ANKFN1: variants seen among roughly 807,000 people sequenced by gnomAD.
The protein encoded by ANKFN1 is ankyrin repeat and fibronectin type III domain containing 1.
A neutral mutation model predicts 108.7 loss-of-function variants in ANKFN1; 74 were observed. The observed-to-expected ratio is 0.68, with a 90% confidence interval of 0.56 to 0.83. The LOEUF (loss-of-function observed/expected upper bound fraction) is 0.83. ANKFN1 is among the 40% of genes least tolerant of loss of function. ANKFN1 has a pLI of 0.00. For synonymous variants in ANKFN1, 547 were observed against 516.2 expected (o/e 1.06, Z -0.81); for missense variants, 1,505 against 1,382.3 (o/e 1.09, Z -1.41).
intron 1 of ANKFN1, among the ~76,000 whole-genome samples, chr17:56,200,952 TG>T (rs1221870652): frequency 6.6e-6 from 1 of 152,176 alleles, no homozygotes; most frequent in East Asian, 1.9e-4. Context: ...TTAATTTCTG[TG>T]GTATGCTAGA....
At chr17:56,497,565 C>CA (rs1022392816) in intron 19 of ANKFN1, among the ~76,000 whole-genome samples, 3 of 152,058 alleles carry the variant, frequency 2.0e-5, no homozygotes, top group Non-Finnish European at 2.9e-5. Flanking sequence ...GTTTTAAGTA[C>CA]AGATTAAAGG....
chr17:56,358,181 CCT>C (rs1308238424), intron 6 of ANKFN1, among the ~76,000 whole-genome samples: 1 of 152,138 alleles, frequency 6.6e-6, no homozygotes, highest in African/African-American at 2.4e-5. Flanking sequence ...AATTTTCTTT[CCT>C]CTCTTTCTCT....
At chr17:56,117,398 C>T (rs556700982) in intron 4 of ANKFN1, among the ~76,000 whole-genome samples, 94 of 152,238 alleles carry the variant, frequency 6.2e-4, no homozygotes, top group African/African-American at 1.3e-3. Flanking sequence ...TGTGAGCTCA[C>T]GGTAGTCATC....
upstream of ANKFN1, among the ~76,000 whole-genome samples, chr17:56,150,701 C>A (rs539475254): frequency 6.6e-6 from 1 of 152,070 alleles, no homozygotes; most frequent in African/African-American, 2.4e-5. Flanking sequence ...ACCAAAATAT[C>A]GTCCCTTCCT....
At chr17:56,387,847 A>C (rs145788180) in intron 8 of ANKFN1, among the ~76,000 whole-genome samples, 19 of 152,194 alleles carry the variant, frequency 1.2e-4, no homozygotes, top group South Asian at 1.2e-3. Context: ...TCTCCTTTCT[A>C]GGACATTTGC....
At chr17:56,249,055 G>T (rs2043178579) in intron 3 of ANKFN1, among the ~76,000 whole-genome samples, 3 of 152,172 alleles carry the variant, frequency 2.0e-5, no homozygotes, top group Non-Finnish European at 2.9e-5. Flanking sequence ...CTACAGTTTG[G>T]TTAGAACAGC....
intron 1 of ANKFN1, among the ~76,000 whole-genome samples, chr17:56,162,166 A>G (rs1331487171): frequency 1.3e-5 from 2 of 152,218 alleles, no homozygotes; most frequent in Non-Finnish European, 2.9e-5. Flanking sequence ...GTTCTCCCCT[A>G]CCTAAAAGAA....
chr17:56,094,396 A>G (rs1207792791), intron 4 of ANKFN1, among the ~76,000 whole-genome samples: 1 of 151,010 alleles, frequency 6.6e-6, no homozygotes, highest in Non-Finnish European at 1.5e-5. Context: ...GAAAGATAAT[A>G]ACACTTAGGA....
chr17:56,243,268 T>A (rs939203398), intron 3 of ANKFN1, among the ~76,000 whole-genome samples: 6 of 152,126 alleles, frequency 3.9e-5, no homozygotes, highest in African/African-American at 1.2e-4. Context: ...TAGCCCTCCT[T>A]ATCTAAAGAT....
intron 4 of ANKFN1, among the ~76,000 whole-genome samples, chr17:56,137,556 G>A (rs16956733): frequency 6.6e-6 from 1 of 152,036 alleles, no homozygotes; most frequent in African/African-American, 2.4e-5. Context: ...AAACCAGGTG[G>A]GATATTGCCT....
chr17:56,296,930 A>G (rs189910306), intron 3 of ANKFN1, among the ~76,000 whole-genome samples: 11 of 152,328 alleles, frequency 7.2e-5, no homozygotes, highest in African/African-American at 2.6e-4. Context: ...TGTTCAAGCA[A>G]CACTTGGTCT....
At chr17:56,340,164 T>C (rs1387354428) in intron 4 of ANKFN1, among the ~76,000 whole-genome samples, 1 of 152,192 alleles carries the variant, frequency 6.6e-6, no homozygotes, top group East Asian at 1.9e-4. Flanking sequence ...TGTTTGTTTC[T>C]TGTAAATTTG....
intron 20 of ANKFN1, among the ~76,000 whole-genome samples, chr17:56,501,320 G>C (rs2051361731): frequency 6.6e-6 from 1 of 152,182 alleles, no homozygotes; most frequent in African/African-American, 2.4e-5. Context: ...TTTTAAGCAA[G>C]GATTGATATA....
rs1598409448 is a variant in ANKFN1, at chr17:56,326,282, T to C, written c.115T>C (p.Cys39Arg). The C allele has an allele frequency of 6.2e-7, 1 of 1,614,014 alleles. No homozygotes were observed. The change falls in exon 4 of 21, where the codon TGT becomes CGT. Residue 39 changes from cysteine (C) to arginine (R), a missense_variant. Physicochemically the swap from Cys to Arg is radical, Grantham distance 180. Transcript: ENST00000682825. ...GAGCCACAGGAGAAAGCAAAGCCAA[T>C]GTGATTTATTGAATGAAAGCACTGG... ...RLSHRRKQSQ[C>R]DLLNESTGQL... is the part of the protein sequence containing the mutation.
chr17:56,126,603 C>T (rs1382664095), intron 4 of ANKFN1, among the ~76,000 whole-genome samples: 2 of 152,088 alleles, frequency 1.3e-5, no homozygotes, highest in South Asian at 2.1e-4. Context: ...ACATACAGAC[C>T]GACCAGGGGA....
intron 4 of ANKFN1, among the ~76,000 whole-genome samples, chr17:56,050,041 T>C (rs967317458): frequency 2.0e-5 from 3 of 151,896 alleles, no homozygotes; most frequent in African/African-American, 7.2e-5. Context: ...CTTCACATCC[T>C]CTCCAGCACC....
chr17:56,310,270 C>G (rs1440325838), intron 3 of ANKFN1, among the ~76,000 whole-genome samples: 1 of 152,302 alleles, frequency 6.6e-6, no homozygotes, highest in East Asian at 1.9e-4. Flanking sequence ...CCACGGATAA[C>G]TGAAACCACA....
intron 6 of ANKFN1, among the ~76,000 whole-genome samples, chr17:56,370,922 G>T (rs1285418897): frequency 6.7e-6 from 1 of 149,732 alleles, no homozygotes; most frequent in African/African-American, 2.4e-5. Flanking sequence ...TTTTCCACTG[G>T]AGTGTGCGCC....
chr17:56,475,194 A>G (rs1024172752), intron 15 of ANKFN1, among the ~76,000 whole-genome samples: 1 of 152,238 alleles, frequency 6.6e-6, no homozygotes, highest in African/African-American at 2.4e-5. Flanking sequence ...ACACGAAAGA[A>G]AAATATAAGT....
Sources: gnomAD v4.1 joint callset for allele counts (sites outside exome capture counted in the v4.1 genomes callset) on GRCh38, gnomAD v4.1.1 for gene constraint, MANE v1.5 for transcripts, NCBI Gene and HGNC (gene_info 2026-07-23, HGNC 2026-07-21) for gene names.